COL25A1: variants seen among roughly 807,000 people sequenced by gnomAD.
The protein encoded by COL25A1 is collagen type XXV alpha 1 chain.
COL25A1 carries 103 observed loss-of-function variants against 128.4 expected under a neutral mutation model. The ratio of observed to expected loss-of-function variants is 0.80; its 90% confidence interval spans 0.68 to 0.94. The LOEUF is 0.94. Among genes scored for constraint, COL25A1 ranks in the 40% least tolerant of loss-of-function variants. The pLI is 0.00. For missense variants in COL25A1, 745 were observed against 840.0 expected (o/e 0.89, Z 1.40); for synonymous variants, 279 against 277.2 (o/e 1.01, Z -0.06).
intron 8 of COL25A1, among the ~76,000 whole-genome samples, chr4:108,943,573 A>C (rs1748387135): frequency 6.6e-6 from 1 of 152,216 alleles, no homozygotes; most frequent in South Asian, 2.1e-4. Context: ...ACTCTGCAGT[A>C]ATCACTTCTG....
At chr4:108,965,647 T>C (rs1751210085) in intron 8 of COL25A1, among the ~76,000 whole-genome samples, 1 of 152,150 alleles carries the variant, frequency 6.6e-6, no homozygotes, top group African/African-American at 2.4e-5. Flanking sequence ...AGGGCTATGG[T>C]TCATGATGAG....
At chr4:109,277,968 T>C (rs1258479884) in intron 3 of COL25A1, among the ~76,000 whole-genome samples, 2 of 152,052 alleles carry the variant, frequency 1.3e-5, no homozygotes, top group Non-Finnish European at 2.9e-5. Context: ...ACCCCATCTC[T>C]ACTAAAAATT....
intron 6 of COL25A1, among the ~76,000 whole-genome samples, chr4:108,985,570 T>C (rs1368468352): frequency 6.6e-6 from 1 of 152,208 alleles, no homozygotes; most frequent in Non-Finnish European, 1.5e-5. Context: ...GGGACATTTC[T>C]TTCCATTAGG....
Position 108,819,296 on chromosome 4 carries a change from G to A in COL25A1, c.1879C>T (p.Pro627Ser). ...FRGVKGEKGE[P>S]GQPGLDGLDA... ...AGCCCATCCAGGCCAGGCTGGCCTGGCTCCCCTTTTTCCCCCTTAACGCCA... is the reference window on the plus strand; with the variant it reads ...AGCCCATCCAGGCCAGGCTGGCCTGACTCCCCTTTTTCCCCCTTAACGCCA... Residue 627 changes from proline (P) to serine (S), a missense_variant, in exon 36 of 38, where the codon CCA (proline) becomes TCA (serine). Pro to Ser is a moderately conservative substitution (Grantham distance 74). This residue lies in a region of COL25A1 where 387 missense variants were observed against 441.9 expected (regional missense o/e 0.88). Coordinates refer to ENST00000399132, the MANE Select transcript of COL25A1 (RefSeq NM_198721.4). The A allele has an allele frequency of 6.2e-7, 1 of 1,613,384 alleles. No individual in the cohort carries two copies. The highest frequency in any genetic ancestry group is 8.5e-7 in the Non-Finnish European group (1 of 1,179,718).
intron 3 of COL25A1, among the ~76,000 whole-genome samples, chr4:109,273,744 C>A (rs1181131883): frequency 6.6e-6 from 1 of 152,110 alleles, no homozygotes; most frequent in East Asian, 1.9e-4. Context: ...AAATAAGACA[C>A]TAACACCTCC....
chr4:108,838,899 A>G (rs1448914365), intron 31 of COL25A1, among the ~76,000 whole-genome samples: 1 of 152,186 alleles, frequency 6.6e-6, no homozygotes, highest in Non-Finnish European at 1.5e-5. Flanking sequence ...TTAAAAACCA[A>G]GGAATACAGT....
chr4:108,980,386 T>C (rs1240468341), intron 6 of COL25A1, among the ~76,000 whole-genome samples: 2 of 152,224 alleles, frequency 1.3e-5, no homozygotes. Flanking sequence ...CAACATGTTT[T>C]AACAAGTCCT....
chr4:109,132,631 A>C (rs1156280697), intron 3 of COL25A1, among the ~76,000 whole-genome samples: 3 of 152,192 alleles, frequency 2.0e-5, no homozygotes, highest in African/African-American at 7.2e-5. Context: ...TTAAGAAAAC[A>C]AATTAAATTA....
At chr4:109,168,588 C>G (rs1773287029) in intron 3 of COL25A1, among the ~76,000 whole-genome samples, 1 of 152,072 alleles carries the variant, frequency 6.6e-6, no homozygotes, top group Non-Finnish European at 1.5e-5. Context: ...TTTCTAAACT[C>G]AAAATATACC....
At chr4:108,840,199 AC>A (rs1486489204) in intron 31 of COL25A1, among the ~76,000 whole-genome samples, 1 of 146,008 alleles carries the variant, frequency 6.8e-6, no homozygotes, top group Non-Finnish European at 1.5e-5. Flanking sequence ...CCAAGACTGC[AC>A]CATTGCACTC....
In COL25A1 at chr4:109,211,289, AC is replaced by A. The variant is rs1560874716; in HGVS notation, c.367+89293del. Among the ~76,000 whole-genome samples the A allele has an allele frequency of 5.8e-3, 187 of 32,348 alleles. 1 individual carries two copies. In the East Asian group the frequency reaches 0.096, roughly 17 times the overall value. The allele number at this position is 32,348 out of a possible 152,430, so 21.2% of individuals were successfully genotyped here. A position where few individuals can be genotyped will look rare whatever the true frequency, so the allele number is the denominator to read the frequency against. On this transcript the variant is annotated intron_variant, in intron 3 of 37. Coordinates refer to ENST00000399132, the MANE Select transcript of COL25A1 (RefSeq NM_198721.4). ...ATATATGAAACTATATATATATGAA[AC>A]TATATATATATATATATATATATAT...
intron 3 of COL25A1, among the ~76,000 whole-genome samples, chr4:109,209,083 A>G (rs1777283718): frequency 1.3e-5 from 2 of 152,180 alleles, no homozygotes; most frequent in South Asian, 2.1e-4. Context: ...GTCCTCTTCC[A>G]CTAGATATAC....
chr4:109,042,703 TA>T (rs1760038781), intron 5 of COL25A1, among the ~76,000 whole-genome samples: 1 of 152,014 alleles, frequency 6.6e-6, no homozygotes, highest in African/African-American at 2.4e-5. Context: ...AGTAGGAATA[TA>T]AAAAGGAGTA....
chr4:109,298,540 G>A (rs1725210891), intron 3 of COL25A1, among the ~76,000 whole-genome samples: 1 of 152,156 alleles, frequency 6.6e-6, no homozygotes, highest in African/African-American at 2.4e-5. Flanking sequence ...CAGGGCTAGA[G>A]CCAAACCAGG....
chr4:108,831,237 C>T (rs1026249350), intron 32 of COL25A1, among the ~76,000 whole-genome samples: 12 of 151,736 alleles, frequency 7.9e-5, no homozygotes, highest in African/African-American at 2.7e-4. Flanking sequence ...GATAATTAAT[C>T]AATTATAATG....
chr4:108,861,048 C>T, intron 22 of COL25A1, 77 bp from the exon 23 acceptor site: 1 of 1,241,942 alleles, frequency 8.1e-7, no homozygotes, highest in Non-Finnish European at 1.2e-6. Context: ...CATGTTTATG[C>T]CATACAGAAG....
chr4:109,300,111 C>A (rs1027855829), intron 3 of COL25A1, among the ~76,000 whole-genome samples: 1 of 146,720 alleles, frequency 6.8e-6, no homozygotes, highest in Non-Finnish European at 1.5e-5. Context: ...TTTAATAGAA[C>A]AGAAACAGCA....
intron 3 of COL25A1, among the ~76,000 whole-genome samples, chr4:109,164,640 C>A (rs1243891097): frequency 1.3e-5 from 2 of 152,182 alleles, no homozygotes; most frequent in African/African-American, 4.8e-5. Context: ...TCATTTATCT[C>A]GTGTTAATCT....
intron 20 of COL25A1, among the ~76,000 whole-genome samples, chr4:108,867,815 C>A (rs533733549): frequency 2.0e-5 from 3 of 152,222 alleles, no homozygotes; most frequent in Admixed American, 6.5e-5. Context: ...ATCATCAGAG[C>A]TGTACTTTTT....
Sources: allele counts gnomAD v4.1 joint callset (sites outside exome capture counted in the v4.1 genomes callset), GRCh38; gene constraint gnomAD v4.1.1; regional missense constraint gnomAD v4.1.1; transcripts MANE v1.5; gene names NCBI Gene and HGNC (gene_info 2026-07-23, HGNC 2026-07-21).